Variants in CDHR4 observed in about 807,000 individuals in gnomAD.
CDHR4 encodes cadherin-related family member 4.
Under a neutral mutation model 88.4 loss-of-function variants are expected in CDHR4, and 89 were observed. The ratio of observed to expected loss-of-function variants is 1.01; its 90% CI spans 0.85 to 1.20. The LOEUF is 1.20. CDHR4 is among the 50% of genes most tolerant of loss of function. CDHR4 has a pLI of 0.00. For missense variants in CDHR4, 914 were observed against 1,007.2 expected, an observed-to-expected ratio of 0.91 and a Z score of 1.25; for synonymous variants, 368 against 399.2, an observed-to-expected ratio of 0.92 and a Z score of 0.93.
In CDHR4 at chr3:49,793,956, C is replaced by T. The variant is rs890101777; in HGVS notation, c.1330G>A (p.Ala444Thr). The change falls in exon 11 of 19, where the codon GCC becomes ACC. Residue 444 changes from alanine (A) to threonine (T), a missense_variant. Ala to Thr is a moderately conservative substitution (Grantham distance 58). Transcript: ENST00000412678. ...MVTPINEFSP[A>T]CAPRTFRVQE... ...ACCCGGAACGTGCGAGGGGCACAGGCTGGGGAGAACTCGTTGATGGGTGTC... is the reference window on the plus strand; with the variant it reads ...ACCCGGAACGTGCGAGGGGCACAGGTTGGGGAGAACTCGTTGATGGGTGTC... 3 of 1,551,626 alleles carry T rather than the reference C, an allele frequency of 1.9e-6. No homozygotes were observed. The African/African-American group carries it at 4.1e-5, about 21-fold the overall frequency.
chr3:49,792,076 C>A, intron 15 of CDHR4, 117 bp from the exon 16 acceptor site: 1 of 1,027,008 alleles, frequency 9.7e-7, no homozygotes, highest in Non-Finnish European at 1.5e-6. Flanking sequence ...TATGCAGTGC[C>A]CACATTGTTA....
Position 49,790,744 on chromosome 3 carries a change from A to T in CDHR4, c.*88T>A. On this transcript the variant is annotated 3_prime_UTR_variant, in exon 19 of 19. Transcript: ENST00000412678. ...ACAAGGCTAGAACTTTTCTTTTTGT[A>T]ATTTTGTTTATTATGAATCAACTTG... The T allele has an allele frequency of 1.7e-6, 2 of 1,210,936 alleles. No homozygotes were observed. Among genetic ancestry groups the T allele is most frequent in the Admixed American group, 2.7e-5 (1 of 37,188 alleles). 75.0% of individuals were successfully genotyped at this position (1,210,936 alleles called of 1,614,324 possible).
Position 49,791,013 on chromosome 3 carries a change from G to A in CDHR4, c.2312-126C>T, listed in dbSNP as rs2081170830. ...ACCCTCAGTGTGACATCCCACCTTCGCTGGAATCTAACCTGTCCCCTCCCT... is the reference window on the plus strand; with the variant it reads ...ACCCTCAGTGTGACATCCCACCTTCACTGGAATCTAACCTGTCCCCTCCCT... On this transcript the variant is annotated intron_variant, in intron 18 of 18. Coordinates refer to ENST00000412678, the MANE Select transcript of CDHR4 (RefSeq NM_001007540.4). 1.5e-5 allele frequency: 11 copies of A among 715,098 alleles called. No homozygotes were observed. In the East Asian group the frequency reaches 2.5e-4, roughly 16 times the overall value. 44.3% of individuals were successfully genotyped at this position (715,098 alleles called of 1,614,324 possible). A position where few individuals can be genotyped will look rare whatever the true frequency, so the allele number is the denominator to read the frequency against.
intron 2 of CDHR4, 31 bp downstream of exon 2, chr3:49,799,216 C>A: frequency 6.2e-7 from 1 of 1,610,272 alleles, no homozygotes; most frequent in East Asian, 2.2e-5. Flanking sequence ...CCTTGTGCCC[C>A]CACAGTCCCC....
At chr3:49,792,172 A>C (rs1227230075) in intron 15 of CDHR4, among the ~76,000 whole-genome samples, 1 of 152,180 alleles carries the variant, frequency 6.6e-6, no homozygotes, top group Non-Finnish European at 1.5e-5. Flanking sequence ...GGAGGGCAGA[A>C]GTCAGGAATA....
At chr3:49,802,385 C>G (rs1296174586), upstream of CDHR4, among the ~76,000 whole-genome samples, 1 of 152,102 alleles carries the variant, frequency 6.6e-6, no homozygotes, top group African/African-American at 2.4e-5. Flanking sequence ...CCATGTTAGC[C>G]AGGATGGTCT....
chr3:49,792,741 T>C lies in CDHR4; in HGVS notation c.1995+113A>G, dbSNP rs1383690576. ...TTCAACACTGCTGGGCTCTCCGCAC[T>C]CTGCGCTTCCCTCTGAACTGCCTTC... On this transcript the variant is annotated intron_variant, in intron 14 of 18. Transcript: ENST00000412678. 4.8e-6 allele frequency: 7 copies of C among 1,459,256 alleles called. No homozygotes were observed. In the East Asian group the frequency reaches 1.5e-4, roughly 31 times the overall value. The allele number at this position is 1,459,256 out of a possible 1,614,324, so 90.4% of individuals were successfully genotyped here.
At chr3:49,792,672 C>T in intron 14 of CDHR4, 62 bp from the exon 15 acceptor site, 1 of 1,541,026 alleles carries the variant, frequency 6.5e-7, no homozygotes, top group South Asian at 1.2e-5. Flanking sequence ...TCCAGCCTTC[C>T]AACCCTTCCC....
In CDHR4 at chr3:49,795,995, C is replaced by T; in HGVS notation, c.658G>A (p.Gly220Arg). The T allele has an allele frequency of 3.9e-6, 6 of 1,545,274 alleles. No homozygotes were observed. Among genetic ancestry groups the T allele is most frequent in the Non-Finnish European group, 5.2e-6 (6 of 1,144,386 alleles). ...GGCAAAACCTTCACTATCACCATCC[C>T]TTGGCAGCTTTGCCTTTGTCCAAAG... Reference protein sequence around the residue: ...VSFGQRQSCQGMVIVKVLPVP... With the variant: ...VSFGQRQSCQRMVIVKVLPVP... The change falls in exon 6 of 19, where the codon GGG (glycine) becomes AGG (arginine). Residue 220 changes from glycine to arginine, a missense_variant. Gly to Arg is a moderately radical substitution (Grantham distance 125, BLOSUM62 -2). Transcript: ENST00000412678. This position sits in a 1 kb window ranked among gnomAD's most constrained non-coding sequence, Gnocchi z 5.4.
chr3:49,797,180 CTTCT>C (rs1196522475), intron 4 of CDHR4, 148 bp from the exon 5 acceptor site: 66 of 579,644 alleles, frequency 1.1e-4, no homozygotes, highest in Admixed American at 6.6e-4. Context: ...CCTTTCTTTC[CTTCT>C]CTCTCCTTCC....
chr3:49,799,239 G>GT lies in CDHR4; in HGVS notation c.240+7_240+8insA. On this transcript the variant is annotated splice_region_variant and intron_variant, in intron 2 of 18. Transcript: ENST00000412678. ...CCCCACAGTCCCCAGCTGTACACAT[G>GT]ACCCTACCTTGCCCACATAGGTCCC... The GT allele has an allele frequency of 6.2e-7, 1 of 1,613,292 alleles. No homozygotes were observed. Among genetic ancestry groups the GT allele is most frequent in the South Asian group, 1.1e-5 (1 of 90,966 alleles).
In CDHR4 at chr3:49,795,895, G is replaced by C. The variant is rs965682326; in HGVS notation, c.710+48C>G. 2.6e-6 allele frequency: 4 copies of C among 1,514,930 alleles called. No homozygotes were observed. The highest frequency in any genetic ancestry group is 1.8e-4 in the Middle Eastern group (1 of 5,498). 93.8% of individuals were successfully genotyped at this position (1,514,930 alleles called of 1,614,324 possible). A position where few individuals can be genotyped will look rare whatever the true frequency, so the allele number is the denominator to read the frequency against. The stretch of plus-strand genomic sequence containing the variant: ...GCAGCCTCACCCTACCTGATTCCCT[G>C]GGGCTAGGCCCTTCCTCCCTCACTG... On this transcript the variant is annotated intron_variant, in intron 6 of 18. Coordinates refer to ENST00000412678, the MANE Select transcript of CDHR4 (RefSeq NM_001007540.4). The surrounding 1 kb of genome is among the most constrained non-coding windows in gnomAD (Gnocchi z 5.4).
In CDHR4 at chr3:49,795,586, G is replaced by C; in HGVS notation, c.847+42C>G. On this transcript the variant is annotated intron_variant, in intron 7 of 18. Coordinates refer to ENST00000412678, the MANE Select transcript of CDHR4 (RefSeq NM_001007540.4). This position sits in a 1 kb window ranked among gnomAD's most constrained non-coding sequence, Gnocchi z 5.4. ...ATGGGTCACCTCTGGACCAGCCACAGAGGCATCCCAGTACCTGCCCCCACC... is the reference window on the plus strand; with the variant it reads ...ATGGGTCACCTCTGGACCAGCCACACAGGCATCCCAGTACCTGCCCCCACC... The C allele has an allele frequency of 6.4e-7, 1 of 1,550,512 alleles. No individual in the cohort carries two copies. Among genetic ancestry groups the C allele is most frequent in the African/African-American group, 1.4e-5 (1 of 73,122 alleles).
chr3:49,799,019 C>T lies in CDHR4; in HGVS notation c.378G>A (p.Gln126=). 8.7e-6 allele frequency: 14 copies of T among 1,607,230 alleles called. No individual in the cohort carries two copies. The highest frequency in any genetic ancestry group is 1.1e-5 in the Non-Finnish European group (13 of 1,177,064). The change falls in exon 3 of 19, where the codon CAG becomes CAA. Residue 126 remains glutamine (Q), a synonymous_variant. Coordinates refer to ENST00000412678, the MANE Select transcript of CDHR4 (RefSeq NM_001007540.4). The part of the protein sequence containing the change: ...VDVQRDLSHI[Q]CAGQFASPAG... Reference sequence around the variant, plus strand: ...CTGGGCTGGCAAATTGACCAGCACACTGGATATGGCTAAGGTCCCGCTGCA... The same window carrying T: ...CTGGGCTGGCAAATTGACCAGCACATTGGATATGGCTAAGGTCCCGCTGCA...
At chr3:49,790,912 G>C in intron 18 of CDHR4, 25 bp from the exon 19 acceptor site, 2 of 1,540,130 alleles carry the variant, frequency 1.3e-6, no homozygotes, top group Non-Finnish European at 1.8e-6. Context: ...AGAGAGAGGA[G>C]AGCAGGGGGT....
chr3:49,795,760 G>A lies in CDHR4; in HGVS notation c.715C>T (p.Gln239Ter). ...TCAGGGATGGTGATATTCTGAGCCT[G>A]CTCGCTGGACCAAAAGGGGGGCACT... ...VPSSQVSFLE[Q>*]AQNITIPENL... Residue 239 changes from glutamine (Q) to a stop codon, truncating the protein, a stop_gained, in exon 7 of 19, where the codon CAG (glutamine) becomes TAG (stop). Coordinates refer to ENST00000412678, the MANE Select transcript of CDHR4 (RefSeq NM_001007540.4). LOFTEE classifies it high-confidence loss of function. The surrounding 1 kb of genome is among the most constrained non-coding windows in gnomAD (Gnocchi z 5.4). The A allele has an allele frequency of 6.4e-7, 1 of 1,551,676 alleles. No homozygotes were observed. Among genetic ancestry groups the A allele is most frequent in the Non-Finnish European group, 8.7e-7 (1 of 1,146,972 alleles).
At chr3:49,793,423 C>T (rs2081214193) in intron 12 of CDHR4, 112 bp from the exon 13 acceptor site, 1 of 1,451,190 alleles carries the variant, frequency 6.9e-7, no homozygotes, top group Non-Finnish European at 9.2e-7. Context: ...GTGATGAAGT[C>T]ATCACACAAC....
At position 49,792,987 on chromosome 3, in the gene CDHR4, C is replaced by T. The variant is rs1292560920; in HGVS notation, c.1862G>A (p.Arg621His). 2.6e-5 allele frequency: 41 copies of T among 1,551,558 alleles called. No homozygotes were observed. Among genetic ancestry groups the T allele is most frequent in the Middle Eastern group, 1.7e-4 (1 of 6,014 alleles). The change falls in exon 14 of 19, where the codon CGT (arginine) becomes CAT (histidine). Residue 621 changes from arginine (R) to histidine (H), a missense_variant. Transcript: ENST00000412678. Reference protein sequence around the residue: ...VLGPFWPEQPRTYELLICVAD... With the variant: ...VLGPFWPEQPHTYELLICVAD... ...CACACAGATCAGTAGCTCATAGGTA[C>T]GGGGCTGCTCTGGCCAGAACGGCCC...
rs560516344 is a variant in CDHR4 at position 49,793,830 on chromosome 3, T to C, written c.1456A>G (p.Thr486Ala). ...CTGAGACGGTCCACAGCAAAGGTGGTAGGACCACCAGAGGTGTAGTACTCA... is the reference window on the plus strand; with the variant it reads ...CTGAGACGGTCCACAGCAAAGGTGGCAGGACCACCAGAGGTGTAGTACTCA... The part of the protein sequence containing the change: ...NIEYYTSGGP[T>A]TFAVDRLSGE... The change falls in exon 11 of 19, where the codon ACC (threonine) becomes GCC (alanine). Residue 486 changes from threonine (T) to alanine (A), a missense_variant. Coordinates refer to ENST00000412678, the MANE Select transcript of CDHR4 (RefSeq NM_001007540.4). The C allele has an allele frequency of 3.7e-5, 58 of 1,551,722 alleles. No individual in the cohort carries two copies. The highest frequency in any genetic ancestry group is 3.3e-4 in the African/African-American group (24 of 73,178).
Sources: gnomAD v4.1 joint callset for allele counts (sites outside exome capture counted in the v4.1 genomes callset) on GRCh38, gnomAD v4.1.1 for gene constraint, Gnocchi (gnomAD v3.1) non-coding constraint, MANE v1.5 for transcripts, NCBI Gene and HGNC (gene_info 2026-07-23, HGNC 2026-07-21) for gene names.